The following PSMG2 variants were observed in gnomAD, a reference collection of about 807,000 sequenced individuals.
The protein encoded by PSMG2 is CD40 ligand-activated specific transcript 3.
PSMG2 carries 21 observed loss-of-function variants against 31.5 expected under a neutral mutation model. That is an observed-to-expected ratio of 0.67 (90% confidence interval 0.47 to 0.96). PSMG2 has a LOEUF of 0.96. PSMG2 is among the 40% of genes least tolerant of loss of function. The pLI, the probability that PSMG2 is intolerant of heterozygous loss-of-function variation, is 0.00. For missense variants in PSMG2, 318 were observed against 321.2 expected, an observed-to-expected ratio of 0.99 and a Z score of 0.08; for synonymous variants, 120 against 110.4, an observed-to-expected ratio of 1.09 and a Z score of -0.54.
chr18:12,706,619 A>G lies in PSMG2; in HGVS notation c.127A>G (p.Lys43Glu). 1 of 1,614,184 alleles carries G rather than the reference A, an allele frequency of 6.2e-7. No individual in the cohort carries two copies. ...DLIISTLNMS[K>E]IGYFYTDCLV... ...GATTATTTCTACACTGAATATGTCT[A>G]AGATTGGTTACTTCTATACCGATTG... Residue 43 changes from lysine to glutamate, a missense_variant, in exon 2 of 7, where the codon AAG becomes GAG. Coordinates refer to ENST00000317615, the MANE Select transcript of PSMG2 (RefSeq NM_020232.5).
chr18:12,705,393 A>C (rs767658863), intron 1 of PSMG2, among the ~76,000 whole-genome samples: 1 of 152,038 alleles, frequency 6.6e-6, no homozygotes, highest in Non-Finnish European at 1.5e-5. Context: ...ATATGGGGAA[A>C]AATTTGGGCA....
intron 1 of PSMG2, among the ~76,000 whole-genome samples, chr18:12,694,856 G>A (rs945892916): frequency 6.6e-6 from 1 of 151,602 alleles, no homozygotes; most frequent in Non-Finnish European, 1.5e-5. Flanking sequence ...TACTACAGGT[G>A]CCTGCCACCA....
rs80117852 is a variant in PSMG2, at chr18:12,673,305, A to C, written c.-37+14532A>C. 1,178 of 1,552,760 alleles carry C rather than the reference A, an allele frequency of 7.6e-4. 9 individuals carry two copies. The African/African-American group carries it at 0.014, about 18-fold the overall frequency. ...ATAACAAACCTCTAAATAGCTAAGTAATGTACAATGTGTAAAATTCCAATT... is the reference window on the plus strand; with the variant it reads ...ATAACAAACCTCTAAATAGCTAAGTCATGTACAATGTGTAAAATTCCAATT... On this transcript the variant is annotated intron_variant, in intron 1 of 6. Transcript: ENST00000585331.
In PSMG2 at chr18:12,718,577, A is replaced by C. The variant is rs1421226601; in HGVS notation, c.349A>C (p.Arg117=). 1 of 1,612,746 alleles carries C rather than the reference A, an allele frequency of 6.2e-7. No individual in the cohort carries two copies. The highest frequency in any genetic ancestry group is 1.1e-5 in the South Asian group (1 of 90,882). The change falls in exon 4 of 7, where the codon AGA becomes CGA. Residue 117 remains arginine (R), a synonymous_variant. Transcript: ENST00000317615. ...LSWVKSSGCA[R]VIVLSSSHSY... is the part of the protein sequence containing the mutation. ...CTGGGTGAAAAGCAGTGGCTGTGCC[A>C]GAGTCATTGTTCTTTCAAGCAGTCA...
chr18:12,658,888 G>A (rs543238338), intron 1 of PSMG2: 1 of 279,058 alleles, frequency 3.6e-6, no homozygotes, highest in Admixed American at 4.8e-5. Context: ...TAGTTTTAGC[G>A]TCCTTCCGGA....
chr18:12,660,881 ACAC>A (rs2038683220), intron 1 of PSMG2, among the ~76,000 whole-genome samples: 1 of 152,254 alleles, frequency 6.6e-6, no homozygotes, highest in Non-Finnish European at 1.5e-5. Flanking sequence ...TTTCTTCTCT[ACAC>A]AAAATAAAGG....
upstream of PSMG2, chr18:12,702,545 A>G (rs1181694679): frequency 4.4e-6 from 7 of 1,600,576 alleles, no homozygotes; most frequent in Middle Eastern, 1.7e-4. Flanking sequence ...GGAGGCAGCG[A>G]CATGCTGGCA....
intron 1 of PSMG2, among the ~76,000 whole-genome samples, 196 bp from the exon 2 acceptor site, chr18:12,706,354 G>A (rs1280998736): frequency 1.3e-5 from 2 of 152,192 alleles, no homozygotes; most frequent in African/African-American, 2.4e-5. Flanking sequence ...GGGTGTGGTG[G>A]TGCGCGCCTA....
intron 1 of PSMG2, chr18:12,695,219 A>C (rs1314738147): frequency 2.1e-6 from 2 of 959,968 alleles, no homozygotes; most frequent in Non-Finnish European, 3.1e-6. Context: ...TATGAAAACA[A>C]ACACACAAAA....
At chr18:12,701,700 T>G (rs1200030649), upstream of PSMG2, among the ~76,000 whole-genome samples, 1 of 152,192 alleles carries the variant, frequency 6.6e-6, no homozygotes, top group Admixed American at 6.5e-5. Flanking sequence ...CTGGAGGTTC[T>G]TCTGGAGCTC....
intron 1 of PSMG2, among the ~76,000 whole-genome samples, chr18:12,693,781 G>GA (rs879616889): frequency 5.9e-5 from 9 of 151,894 alleles, no homozygotes; most frequent in Admixed American, 1.3e-4. Context: ...GACTCTGTCT[G>GA]AAAAAAACAA....
chr18:12,691,409 A>G (rs2039758353), intron 1 of PSMG2: 2 of 1,608,726 alleles, frequency 1.2e-6, no homozygotes, highest in South Asian at 2.2e-5. Context: ...CGAATTTGCA[A>G]ATATTCTCTC....
At chr18:12,683,815 T>C (rs1191333140) in intron 1 of PSMG2, among the ~76,000 whole-genome samples, 33 of 151,690 alleles carry the variant, frequency 2.2e-4, no homozygotes, top group Admixed American at 2.1e-3. Context: ...CATAGCATAA[T>C]GCTTAATTAT....
intron 1 of PSMG2, among the ~76,000 whole-genome samples, chr18:12,668,284 G>A (rs2038846937): frequency 1.3e-5 from 2 of 150,322 alleles, no homozygotes; most frequent in African/African-American, 2.5e-5. Context: ...TCCTCCCACC[G>A]CCACTGGCCA....
intron 1 of PSMG2, among the ~76,000 whole-genome samples, chr18:12,662,987 T>C (rs2054779813): frequency 2.0e-5 from 3 of 152,166 alleles, no homozygotes. Flanking sequence ...TAAGTGTAAT[T>C]ATTAGCTTCA....
upstream of PSMG2, chr18:12,703,001 A>G (rs2040209171): frequency 2.3e-6 from 3 of 1,299,826 alleles, no homozygotes; most frequent in Admixed American, 4.8e-5. Flanking sequence ...GACTCAAAGG[A>G]CCCTCCCGCG....
upstream of PSMG2, chr18:12,700,217 T>C (rs1179396825): frequency 2.7e-5 from 5 of 186,860 alleles, no homozygotes; most frequent in East Asian, 2.5e-4. Flanking sequence ...TATGTAACAG[T>C]TGGCTTATAA....
At chr18:12,699,498 T>A (rs1165338017), upstream of PSMG2, among the ~76,000 whole-genome samples, 2 of 152,194 alleles carry the variant, frequency 1.3e-5, no homozygotes, top group African/African-American at 2.4e-5. Context: ...TTATCCAACA[T>A]TCCTCCACCT....
At chr18:12,667,430 C>A (rs2038824862) in intron 1 of PSMG2, among the ~76,000 whole-genome samples, 1 of 151,928 alleles carries the variant, frequency 6.6e-6, no homozygotes, top group Non-Finnish European at 1.5e-5. Context: ...GCACTCTATC[C>A]CCAAAGACAG....
Sources: gnomAD v4.1 joint callset for allele counts (sites outside exome capture counted in the v4.1 genomes callset) on GRCh38, gnomAD v4.1.1 for gene constraint, MANE v1.5 for transcripts, NCBI Gene and HGNC (gene_info 2026-07-23, HGNC 2026-07-21) for gene names.